The following KDM1A variants were observed in gnomAD, a reference collection of about 807,000 sequenced individuals.
KDM1A encodes the protein lysine-specific histone demethylase 1A.
A neutral mutation model predicts 109.4 loss-of-function variants in KDM1A; 49 were observed. The observed-to-expected ratio is 0.45, with a 90% CI of 0.36 to 0.57. KDM1A has a LOEUF of 0.57. Among genes scored for constraint, KDM1A ranks in the 20% least tolerant of loss-of-function variants. The probability of loss-of-function intolerance (pLI) is 0.00; values close to 1 mark genes in which losing one functional copy is unlikely to be tolerated. For synonymous variants in KDM1A, 380 were observed against 415.4 expected (o/e 0.91, Z 1.04); for missense variants, 668 against 1,116.6 (o/e 0.60, Z 5.73).
Position 23,071,245 on chromosome 1 carries a change from A to C in KDM1A, c.1434A>C (p.Lys478Asn), listed in dbSNP as rs922690715. The C allele has an allele frequency of 1.6e-5, 26 of 1,599,230 alleles. No homozygotes were observed. The highest frequency in any genetic ancestry group is 2.0e-5 in the Non-Finnish European group (23 of 1,175,100). The change falls in exon 13 of 21, where the codon AAA becomes AAC. Residue 478 changes from lysine (K) to asparagine (N), a missense_variant. By Grantham distance (94) the Lys-to-Asn change is moderately conservative. Coordinates refer to ENST00000400181, the MANE Select transcript of KDM1A (RefSeq NM_001009999.3). ...CTTAGATGGTAAATTTGAAAGAGAA[A>C]ATTAAAGAACTCCATCAGCAATACA... ...LLNKMVNLKE[K>N]IKELHQQYKE...
chr1:23,020,002 G>A, intron 1 of KDM1A, 55 bp downstream of exon 1: 2 of 1,403,192 alleles, frequency 1.4e-6, no homozygotes, highest in South Asian at 1.6e-5. Context: ...CTTCCCCGAG[G>A]CTTCTCCGCC....
intron 9 of KDM1A, among the ~76,000 whole-genome samples, chr1:23,059,547 A>G (rs1419226034): frequency 1.3e-5 from 2 of 151,898 alleles, no homozygotes; most frequent in Admixed American, 1.3e-4. Context: ...TGTGTTCTTT[A>G]TGACTTCAGT....
rs1461061524 is a variant in KDM1A at position 23,037,572 on chromosome 1, CT to C, written c.518-6853del. Among the ~76,000 whole-genome samples, 3 of 152,146 alleles carry C rather than the reference CT, an allele frequency of 2.0e-5. No individual in the cohort carries two copies. The East Asian group carries it at 5.8e-4, about 29-fold the overall frequency. ...TGTGGTGAGAACACTTACCCACTTTCTTGGTATTTTTCAAGAATACAATGTA... is the reference window on the plus strand; with the variant it reads ...TGTGGTGAGAACACTTACCCACTTTCTGGTATTTTTCAAGAATACAATGTA... On this transcript the variant is annotated intron_variant, in intron 2 of 20. Coordinates refer to ENST00000400181, the MANE Select transcript of KDM1A (RefSeq NM_001009999.3).
chr1:23,037,820 T>C (rs1642194293), intron 2 of KDM1A, among the ~76,000 whole-genome samples: 1 of 152,240 alleles, frequency 6.6e-6, no homozygotes. Context: ...ATTGACCTGC[T>C]TTTCTTAATG....
At chr1:23,024,126 G>GA (rs1171144123) in intron 1 of KDM1A, among the ~76,000 whole-genome samples, 22 of 152,220 alleles carry the variant, frequency 1.4e-4, no homozygotes, top group African/African-American at 5.1e-4. Flanking sequence ...TGAGATTACA[G>GA]ACATGAGCCA....
At chr1:23,022,666 T>G (rs1641675066) in intron 1 of KDM1A, among the ~76,000 whole-genome samples, 1 of 137,806 alleles carries the variant, frequency 7.3e-6, no homozygotes, top group Non-Finnish European at 1.6e-5. Flanking sequence ...TTTTTTTTTT[T>G]TTTTTTGCTG....
chr1:23,057,264 T>A (rs981607188), intron 7 of KDM1A, among the ~76,000 whole-genome samples: 8 of 152,270 alleles, frequency 5.3e-5, no homozygotes, highest in South Asian at 4.1e-4. Flanking sequence ...TTTAGTTATA[T>A]GACATTTAAT....
chr1:23,026,088 TAAAAAA>T (rs754256268), intron 1 of KDM1A, among the ~76,000 whole-genome samples: 5 of 151,856 alleles, frequency 3.3e-5, no homozygotes, highest in Admixed American at 2.0e-4. Context: ...GACCCTGTCT[TAAAAAA>T]ATAAAAATAA....
chr1:23,019,809 C>T lies in KDM1A; in HGVS notation c.213C>T (p.Pro71=). ...RKKEPPRASP[P]GGLAEPPGSA... is the part of the protein sequence containing the mutation. The stretch of plus-strand genomic sequence containing the variant: ...AAGAGCCTCCGCGGGCCTCGCCCCC[C>T]GGGGGCCTGGCGGAACCGCCGGGGT... Residue 71 remains proline, a synonymous_variant, in exon 1 of 21, where the codon CCC becomes CCT. Transcript: ENST00000400181. 7.1e-7 allele frequency: 1 copy of T among 1,404,332 alleles called. No homozygotes were observed. Among genetic ancestry groups the T allele is most frequent in the Non-Finnish European group, 9.3e-7 (1 of 1,079,296 alleles). The allele number at this position is 1,404,332 out of a possible 1,614,324, so 87.0% of individuals were successfully genotyped here.
chr1:23,032,956 G>A (rs1301599473), intron 2 of KDM1A, among the ~76,000 whole-genome samples: 1 of 152,228 alleles, frequency 6.6e-6, no homozygotes, highest in African/African-American at 2.4e-5. Flanking sequence ...CTGGAGTGCA[G>A]TGGCATGATC....
intron 9 of KDM1A, among the ~76,000 whole-genome samples, chr1:23,059,827 T>C (rs12081529): frequency 0.043 from 6,495 of 152,276 alleles, 472 homozygotes; most frequent in African/African-American, 0.15. Flanking sequence ...TGACTGCCTT[T>C]ATCAAAATGA....
chr1:23,069,923 T>C (rs562047199), intron 12 of KDM1A, among the ~76,000 whole-genome samples: 1 of 151,736 alleles, frequency 6.6e-6, no homozygotes, highest in Admixed American at 6.5e-5. Flanking sequence ...GGGGCCTTTA[T>C]AGTGCATACT....
chr1:23,058,129 G>T (rs1642890482), intron 8 of KDM1A, among the ~76,000 whole-genome samples: 1 of 152,060 alleles, frequency 6.6e-6, no homozygotes, highest in South Asian at 2.1e-4. Context: ...CATGCTCAAA[G>T]GATCCTCTCA....
intron 5 of KDM1A, among the ~76,000 whole-genome samples, chr1:23,054,777 C>T (rs1642776751): frequency 6.6e-6 from 1 of 152,042 alleles, no homozygotes; most frequent in African/African-American, 2.4e-5. Context: ...TGGGCATGCA[C>T]CATCATACAT....
intron 15 of KDM1A, among the ~76,000 whole-genome samples, chr1:23,073,609 C>T (rs1469574865): frequency 6.6e-6 from 1 of 152,208 alleles, no homozygotes; most frequent in Non-Finnish European, 1.5e-5. Context: ...ATAGAACATG[C>T]CCATCATCCT....
Position 23,051,493 on chromosome 1 carries a change from A to G in KDM1A, c.711+973A>G, listed in dbSNP as rs563426286. Among the ~76,000 whole-genome samples the G allele has an allele frequency of 2.0e-5, 3 of 152,298 alleles. No homozygotes were observed. In the South Asian group the frequency reaches 6.2e-4, roughly 32 times the overall value. On this transcript the variant is annotated intron_variant, in intron 4 of 20. Transcript: ENST00000400181. ...CGCATTGCCCTGCCCATTTTTATTA[A>G]AACAGTGATAATCTATGCTCCTATA...
chr1:23,051,374 C>G (rs1015188380), intron 4 of KDM1A, among the ~76,000 whole-genome samples: 3 of 152,192 alleles, frequency 2.0e-5, no homozygotes, highest in African/African-American at 7.2e-5. Flanking sequence ...AGAAGGAAAA[C>G]TACGTTGTCA....
rs755231433 is a variant in KDM1A at position 23,082,265 on chromosome 1, C to A, written c.2344C>A (p.Arg782=). The change falls in exon 20 of 21, where the codon CGG becomes AGG. Residue 782 remains arginine, a synonymous_variant. Transcript: ENST00000400181. ...VSRWRADPWA[R]GSYSYVAAGS... ...TCGTTGGCGTGCTGATCCCTGGGCT[C>A]GGGGCTCTTATTCCTATGTTGCTGC... 26 of 1,613,588 alleles carry A rather than the reference C, an allele frequency of 1.6e-5. No individual in the cohort carries two copies. The highest frequency in any genetic ancestry group is 3.3e-5 in the Admixed American group (2 of 59,970).
chr1:23,047,656 C>T (rs1016275441), intron 3 of KDM1A, among the ~76,000 whole-genome samples: 2 of 152,154 alleles, frequency 1.3e-5, no homozygotes, highest in African/African-American at 4.8e-5. Flanking sequence ...AATCCTAGCA[C>T]TTTGGGAGGC....
Sources: allele counts gnomAD v4.1 joint callset (sites outside exome capture counted in the v4.1 genomes callset), GRCh38; gene constraint gnomAD v4.1.1; transcripts MANE v1.5; gene names NCBI Gene and HGNC (gene_info 2026-07-23, HGNC 2026-07-21).